Variants in GNB1 observed in about 807,000 individuals in gnomAD.
GNB1 encodes G protein subunit beta 1, also known as guanine nucleotide-binding protein G(I)/G(S)/G(T) subunit beta-1.
GNB1 carries 2 observed loss-of-function variants against 42.9 expected under a neutral mutation model. The ratio of observed to expected loss-of-function variants is 0.05; its 90% CI spans 0.02 to 0.15. The LOEUF is 0.15. GNB1 is among the 10% of genes least tolerant of loss of function. The pLI, the probability that GNB1 is intolerant of heterozygous loss-of-function variation, is 1.00. For missense variants in GNB1, 193 were observed against 462.2 expected, an observed-to-expected ratio of 0.42 and a Z score of 5.34; for synonymous variants, 183 against 174.7, an observed-to-expected ratio of 1.05 and a Z score of -0.38.
intron 1 of GNB1, among the ~76,000 whole-genome samples, chr1:1,872,633 T>C (rs1013469657): frequency 3.9e-5 from 6 of 152,168 alleles, no homozygotes; most frequent in Admixed American, 1.3e-4. Flanking sequence ...ACCTGAAGCA[T>C]AGGGGCTCCT....
At position 1,843,691 on chromosome 1, in the gene GNB1, C is replaced by G. The variant is rs147813639; in HGVS notation, c.-95-4453G>C. 3.1e-3 allele frequency among the ~76,000 whole-genome samples: 473 copies of G among 152,270 alleles called. 5 individuals are homozygous for G. Among genetic ancestry groups the G allele is most frequent in the African/African-American group, 0.01 (430 of 41,560 alleles). On this transcript the variant is annotated intron_variant, in intron 1 of 11. Transcript: ENST00000378609. ...GATGACCCAAATGTATGCTCTTTTT[C>G]TGACTATCCAGCTCATAGAACCCCA... is the stretch of plus-strand genomic sequence containing the variant.
intron 1 of GNB1, among the ~76,000 whole-genome samples, chr1:1,845,130 A>G (rs1370349816): frequency 6.6e-6 from 1 of 152,228 alleles, no homozygotes; most frequent in African/African-American, 2.4e-5. Flanking sequence ...CAATAAAAAG[A>G]TAACAATACC....
At chr1:1,853,672 G>C (rs1431837223) in intron 1 of GNB1, among the ~76,000 whole-genome samples, 1 of 152,084 alleles carries the variant, frequency 6.6e-6, no homozygotes, top group Non-Finnish European at 1.5e-5. Context: ...CTGTGATTTA[G>C]AAAGAGAACT....
In GNB1 at chr1:1,789,202, C is replaced by G. The variant is rs11554059; in HGVS notation, c.767G>C (p.Arg256Pro). The part of the protein sequence containing the change: ...DDATCRLFDL[R>P]ADQELMTYSH... The stretch of plus-strand genomic sequence containing the variant: ...GTAAGTCATGAGCTCCTGGTCAGCA[C>G]GAAGGTCAAACAGCCTGCAGGTGGC... Residue 256 changes from arginine to proline, a missense_variant, in exon 10 of 12, where the codon CGT becomes CCT. This residue lies in a region of GNB1 where 150 missense variants were observed against 410.8 expected (regional missense o/e 0.37). Coordinates refer to ENST00000378609, the MANE Select transcript of GNB1 (RefSeq NM_002074.5). 1 of 1,613,750 alleles carries G rather than the reference C, an allele frequency of 6.2e-7. No homozygotes were observed.
At chr1:1,816,630 TTTA>T (rs1260532997) in intron 4 of GNB1, among the ~76,000 whole-genome samples, 1 of 149,740 alleles carries the variant, frequency 6.7e-6, no homozygotes, top group Non-Finnish European at 1.5e-5. Flanking sequence ...TTATTTGGAC[TTTA>T]TTTTTATTAT....
intron 5 of GNB1, among the ~76,000 whole-genome samples, chr1:1,812,276 A>C (rs1646790624): frequency 6.6e-6 from 1 of 152,004 alleles, no homozygotes; most frequent in African/African-American, 2.4e-5. Context: ...CAGCAAACCA[A>C]CATGGCACAT....
intron 2 of GNB1, among the ~76,000 whole-genome samples, chr1:1,829,837 C>T (rs1045658683): frequency 4.6e-5 from 7 of 152,068 alleles, no homozygotes; most frequent in Non-Finnish European, 8.8e-5. Flanking sequence ...CTCCCGATTT[C>T]AAGCGATTCT....
At chr1:1,805,547 A>AT (rs1273208404) in intron 6 of GNB1, among the ~76,000 whole-genome samples, 1 of 151,376 alleles carries the variant, frequency 6.6e-6, no homozygotes, top group Non-Finnish European at 1.5e-5. Context: ...AAAACAAAAA[A>AT]TTTTTTTTTC....
intron 3 of GNB1, among the ~76,000 whole-genome samples, chr1:1,819,722 G>A (rs1327442696): frequency 1.1e-5 from 1 of 91,066 alleles, no homozygotes; most frequent in Admixed American, 1.2e-4. Context: ...TTTTTTTTTT[G>A]TAGAGATGGG....
intron 1 of GNB1, among the ~76,000 whole-genome samples, chr1:1,883,401 T>C (rs762913336): frequency 2.6e-5 from 4 of 152,138 alleles, no homozygotes; most frequent in Admixed American, 2.0e-4. Flanking sequence ...CTAATATGCA[T>C]GTTCCACACC....
intron 5 of GNB1, among the ~76,000 whole-genome samples, chr1:1,815,420 C>G (rs1021619884): frequency 6.6e-6 from 1 of 152,188 alleles, no homozygotes; most frequent in Non-Finnish European, 1.5e-5. Context: ...AGAGAGGTAA[C>G]TTCCCCAAGT....
chr1:1,858,277 G>A (rs1424770993), intron 1 of GNB1, among the ~76,000 whole-genome samples: 1 of 152,144 alleles, frequency 6.6e-6, no homozygotes, highest in African/African-American at 2.4e-5. Flanking sequence ...CAAGTCATTT[G>A]TTTTCAGTTC....
At chr1:1,798,612 G>A (rs1646578962) in intron 7 of GNB1, among the ~76,000 whole-genome samples, 1 of 152,212 alleles carries the variant, frequency 6.6e-6, no homozygotes, top group Non-Finnish European at 1.5e-5. Context: ...GGTATGCAAA[G>A]AACAAAGCTC....
intron 3 of GNB1, chr1:1,818,114 C>T: frequency 2.6e-6 from 1 of 388,360 alleles, no homozygotes; most frequent in Non-Finnish European, 5.0e-6. Context: ...ACCTGCAGCA[C>T]AATATTCCTG....
At chr1:1,871,770 C>G (rs1166380906) in intron 1 of GNB1, among the ~76,000 whole-genome samples, 1 of 152,140 alleles carries the variant, frequency 6.6e-6, no homozygotes, top group Non-Finnish European at 1.5e-5. Context: ...CCACCCTCTA[C>G]ATGTGCAAAG....
At chr1:1,883,247 C>G (rs1649952561) in intron 1 of GNB1, among the ~76,000 whole-genome samples, 1 of 148,790 alleles carries the variant, frequency 6.7e-6, no homozygotes, top group South Asian at 2.1e-4. Flanking sequence ...ATTCCACACT[C>G]CAGCCTGGGT....
intron 1 of GNB1, among the ~76,000 whole-genome samples, chr1:1,873,807 G>C (rs1404156198): frequency 6.6e-6 from 1 of 152,086 alleles, no homozygotes. Flanking sequence ...GACAGAGCAA[G>C]ACTCCATCTT....
chr1:1,855,498 A>G (rs767113195), intron 1 of GNB1, among the ~76,000 whole-genome samples: 15 of 152,004 alleles, frequency 9.9e-5, no homozygotes, highest in East Asian at 7.8e-4. Flanking sequence ...TCAGGAGATC[A>G]AGACCATCCT....
intron 2 of GNB1, among the ~76,000 whole-genome samples, chr1:1,827,116 T>C (rs896905427): frequency 1.3e-5 from 2 of 152,244 alleles, no homozygotes; most frequent in African/African-American, 2.4e-5. Flanking sequence ...GCAGTTATTT[T>C]CTTGAGATTA....
Sources: allele counts gnomAD v4.1 joint callset (sites outside exome capture counted in the v4.1 genomes callset), GRCh38; gene constraint gnomAD v4.1.1; regional missense constraint gnomAD v4.1.1; transcripts MANE v1.5; gene names NCBI Gene and HGNC (gene_info 2026-07-23, HGNC 2026-07-21).